PIWIL1: variants seen among roughly 807,000 people sequenced by gnomAD.
PIWIL1 encodes piwi like RNA-mediated gene silencing 1.
PIWIL1 carries 73 observed loss-of-function variants against 114.4 expected under a neutral mutation model. The ratio of observed to expected loss-of-function variants is 0.64; its 90% CI spans 0.53 to 0.78. The LOEUF is 0.78. Ranked by LOEUF, PIWIL1 falls within the 30% of genes least tolerant of loss-of-function variation. The pLI is 0.00. For missense variants in PIWIL1, 723 were observed against 1,063.1 expected, an observed-to-expected ratio of 0.68 and a Z score of 4.45; for synonymous variants, 375 against 369.0, an observed-to-expected ratio of 1.02 and a Z score of -0.19.
chr12:130,346,991 G>T lies in PIWIL1; in HGVS notation c.582G>T (p.Thr194=), dbSNP rs759488848. 1 of 1,613,732 alleles carries T rather than the reference G, an allele frequency of 6.2e-7. No individual in the cohort carries two copies. Among genetic ancestry groups the T allele is most frequent in the African/African-American group, 1.3e-5 (1 of 75,030 alleles). ...GGAATGGAGAGGATGTGAGGATAAC[G>T]ATCACTTTAACAAATGAACTTCCAC... ...KTRNGEDVRI[T]ITLTNELPPT... Residue 194 remains threonine (T), a synonymous_variant, in exon 6 of 21, where the codon ACG becomes ACT. Transcript: ENST00000245255.
the PIWIL1 span, among the ~76,000 whole-genome samples, chr12:130,393,482 G>T: frequency 3.4e-5 from 4 of 116,050 alleles, no homozygotes; most frequent in African/African-American, 1.2e-4. Flanking sequence ...CAGTTACCTG[G>T]TGAATACTGA....
intron 19 of PIWIL1, among the ~76,000 whole-genome samples, chr12:130,368,721 C>T (rs2073738216): frequency 6.6e-6 from 1 of 152,092 alleles, no homozygotes; most frequent in East Asian, 1.9e-4. Flanking sequence ...ACTCCTAACG[C>T]CAAAGCCCAG....
chr12:130,345,942 GCAC>G (rs1346055063), intron 4 of PIWIL1, 64 bp downstream of exon 4: 46 of 1,559,362 alleles, frequency 2.9e-5, no homozygotes, highest in Non-Finnish European at 3.7e-5. Context: ...GTGAATTGAG[GCAC>G]TTTAGTTTAG....
At chr12:130,370,986 A>C (rs1263735833) in intron 19 of PIWIL1, among the ~76,000 whole-genome samples, 190 bp from the exon 20 acceptor site, 3 of 152,360 alleles carry the variant, frequency 2.0e-5, no homozygotes, top group Non-Finnish European at 4.4e-5. Flanking sequence ...CATCTTTCAC[A>C]CATAAGCAGT....
chr12:130,412,933 C>T, the PIWIL1 span: 3 of 752,678 alleles, frequency 4.0e-6, no homozygotes, highest in East Asian at 2.8e-5. Flanking sequence ...AGGTCACCCA[C>T]GTGTGTGCTG....
chr12:130,384,545 TAC>T, the PIWIL1 span, among the ~76,000 whole-genome samples: 1 of 152,210 alleles, frequency 6.6e-6, no homozygotes, highest in African/African-American at 2.4e-5. Flanking sequence ...GTTAATGACA[TAC>T]GTTGAATGGC....
Position 130,356,990 on chromosome 12 carries a change from C to G in PIWIL1, c.1477C>G (p.Leu493Val). ...RGAPLISVKPLDNWLLIYTRR... is the reference protein window; with the variant it reads ...RGAPLISVKPVDNWLLIYTRR... ...TGCACCATTAATTAGTGTTAAGCCA[C>G]TAGATAACTGGCTGTTGATCTATAC... Residue 493 changes from leucine (L) to valine (V), a missense_variant, in exon 13 of 21, where the codon CTA becomes GTA. Coordinates refer to ENST00000245255, the MANE Select transcript of PIWIL1 (RefSeq NM_004764.5). The G allele has an allele frequency of 6.2e-7, 1 of 1,612,932 alleles. No individual in the cohort carries two copies. The highest frequency in any genetic ancestry group is 1.1e-5 in the South Asian group (1 of 91,028).
intron 1 of PIWIL1, among the ~76,000 whole-genome samples, chr12:130,339,867 C>T (rs1009083904): frequency 6.6e-6 from 1 of 152,166 alleles, no homozygotes; most frequent in Non-Finnish European, 1.5e-5. Flanking sequence ...CCGTCAGGGA[C>T]CAGGCTTTGA....
At chr12:130,392,138 G>A in the PIWIL1 span, among the ~76,000 whole-genome samples, 10,163 of 69,948 alleles carry the variant, frequency 0.15, 1,540 homozygotes, top group Non-Finnish European at 0.18. Flanking sequence ...CCGTCATCAC[G>A]TGTCCGTCAG....
At chr12:130,407,646 C>T in the PIWIL1 span, 20 of 1,082,104 alleles carry the variant, frequency 1.8e-5, no homozygotes, top group Admixed American at 1.2e-4. Context: ...GGTGAACACA[C>T]GTGGCCTCAG....
chr12:130,367,001 C>T lies in PIWIL1; in HGVS notation c.2196-132C>T, dbSNP rs866951620. 2.8e-5 allele frequency: 30 copies of T among 1,053,158 alleles called. 1 individual carries two copies. Among genetic ancestry groups the T allele is most frequent in the Middle Eastern group, 5.0e-4 (2 of 3,994 alleles). 65.2% of individuals were successfully genotyped at this position (1,053,158 alleles called of 1,614,324 possible). On this transcript the variant is annotated intron_variant, in intron 18 of 20. Transcript: ENST00000245255. ...CAAGAGTAAGATCCTGATCCTTCTCCACAACCTGGACAGATGATACGCCCC... is the reference window on the plus strand; with the variant it reads ...CAAGAGTAAGATCCTGATCCTTCTCTACAACCTGGACAGATGATACGCCCC...
At chr12:130,356,641 GAGA>G (rs1166583928) in intron 12 of PIWIL1, among the ~76,000 whole-genome samples, 3 of 152,142 alleles carry the variant, frequency 2.0e-5, no homozygotes, top group Non-Finnish European at 4.4e-5. Flanking sequence ...AAAGATTAAG[GAGA>G]ATGCGACTAA....
chr12:130,392,384 G>A, the PIWIL1 span, among the ~76,000 whole-genome samples: 108 of 102,066 alleles, frequency 1.1e-3, no homozygotes, highest in Admixed American at 1.3e-3. Context: ...ACATGTGTCC[G>A]TCAGTTACCT....
At chr12:130,342,091 CATT>C (rs756285893) in intron 1 of PIWIL1, 58 of 159,956 alleles carry the variant, frequency 3.6e-4, no homozygotes, top group Non-Finnish European at 7.0e-4. Context: ...CAGGATGACT[CATT>C]ATGTATGCAG....
chr12:130,421,084 C>T, the PIWIL1 span: 1 of 152,144 alleles, frequency 6.6e-6, no homozygotes, highest in Non-Finnish European at 1.5e-5. Context: ...CTTTTCCCCA[C>T]ATCGTTTCTC....
chr12:130,395,727 A>ACAT, the PIWIL1 span, among the ~76,000 whole-genome samples: 813 of 152,342 alleles, frequency 5.3e-3, 8 homozygotes, highest in African/African-American at 0.019. Flanking sequence ...CTTTGAAAAG[A>ACAT]CATCATCTGG....
chr12:130,425,159 TCAGGCCCCA>T, the PIWIL1 span: 7 of 284,254 alleles, frequency 2.5e-5, no homozygotes, highest in African/African-American at 1.3e-4. Flanking sequence ...CGGCGGCACA[TCAGGCCCCA>T]CAGTGCCCAC....
chr12:130,391,217 C>T, the PIWIL1 span, among the ~76,000 whole-genome samples: 17 of 152,222 alleles, frequency 1.1e-4, no homozygotes, highest in Non-Finnish European at 1.9e-4. Flanking sequence ...CCCGGCTTCT[C>T]GCCAAGGTGA....
chr12:130,371,062 T>C (rs2073804298), intron 19 of PIWIL1, 114 bp from the exon 20 acceptor site: 2 of 836,210 alleles, frequency 2.4e-6, no homozygotes, highest in East Asian at 4.9e-5. Flanking sequence ...TGAGAAGAGA[T>C]GAGGTTACTG....
Sources: gnomAD v4.1 joint callset for allele counts (sites outside exome capture counted in the v4.1 genomes callset) on GRCh38, gnomAD v4.1.1 for gene constraint, MANE v1.5 for transcripts, NCBI Gene and HGNC (gene_info 2026-07-23, HGNC 2026-07-21) for gene names.